The following LRP1B variants were observed in gnomAD, a reference collection of about 807,000 sequenced individuals.
The protein encoded by LRP1B is low-density lipoprotein receptor-related protein 1B.
LRP1B carries 217 observed loss-of-function variants against 556.6 expected under a neutral mutation model. The ratio of observed to expected loss-of-function variants is 0.39; its 90% CI spans 0.35 to 0.44. LRP1B has a LOEUF of 0.44. Among genes scored for constraint, LRP1B ranks in the 20% least tolerant of loss-of-function variants. The pLI, the probability that LRP1B is intolerant of heterozygous loss-of-function variation, is 1.00. For missense variants in LRP1B, 5,053 were observed against 5,620.8 expected (o/e 0.90, Z 3.23); for synonymous variants, 2,047 against 1,865.8 (o/e 1.10, Z -2.50).
intron 65 of LRP1B, among the ~76,000 whole-genome samples, chr2:140,443,841 TA>T (rs1303417410): frequency 6.6e-6 from 1 of 152,226 alleles, no homozygotes; most frequent in Non-Finnish European, 1.5e-5. Context: ...GAGCAATATT[TA>T]GAATTTTGTA....
intron 83 of LRP1B, among the ~76,000 whole-genome samples, chr2:140,306,548 A>G (rs970274754): frequency 2.5e-4 from 38 of 149,948 alleles, no homozygotes; most frequent in African/African-American, 5.4e-4. Flanking sequence ...CTCTCTTTCT[A>G]TCTTTATTAG....
chr2:140,912,570 A>G (rs1421431952), intron 21 of LRP1B, among the ~76,000 whole-genome samples: 3 of 151,756 alleles, frequency 2.0e-5, no homozygotes, highest in Non-Finnish European at 3.0e-5. Context: ...CGAAAACCAT[A>G]TTAGATAATT....
intron 60 of LRP1B, among the ~76,000 whole-genome samples, chr2:140,465,916 A>G (rs1362712248): frequency 6.6e-6 from 1 of 152,042 alleles, no homozygotes. Context: ...ATTAACTTTT[A>G]TTGTATTGTA....
intron 7 of LRP1B, among the ~76,000 whole-genome samples, chr2:141,184,524 C>T (rs183962347): frequency 1.3e-5 from 2 of 151,948 alleles, no homozygotes; most frequent in East Asian, 3.9e-4. Flanking sequence ...CTAAGTTTCC[C>T]CCAGTTGATT....
intron 2 of LRP1B, among the ~76,000 whole-genome samples, chr2:141,577,365 G>C (rs898645811): frequency 3.3e-5 from 5 of 152,172 alleles, no homozygotes; most frequent in African/African-American, 1.2e-4. Context: ...GGTGATTTCT[G>C]TATTAATTCA....
intron 3 of LRP1B, among the ~76,000 whole-genome samples, chr2:141,425,844 C>T (rs1295255117): frequency 3.3e-5 from 5 of 151,370 alleles, no homozygotes; most frequent in South Asian, 2.1e-4. Context: ...GAGTAGGTTG[C>T]AAAATTTTTC....
At chr2:142,001,844 A>G (rs1480895195) in intron 1 of LRP1B, among the ~76,000 whole-genome samples, 1 of 152,160 alleles carries the variant, frequency 6.6e-6, no homozygotes, top group East Asian at 1.9e-4. Context: ...TGATTTTATC[A>G]GCTTCTGACA....
intron 2 of LRP1B, among the ~76,000 whole-genome samples, chr2:141,807,325 G>A (rs557209733): frequency 6.6e-6 from 1 of 152,034 alleles, no homozygotes; most frequent in East Asian, 1.9e-4. Flanking sequence ...ACCATTTATA[G>A]GGAACAAGCC....
At chr2:141,811,332 C>A (rs907766110) in intron 1 of LRP1B, among the ~76,000 whole-genome samples, 14 of 150,964 alleles carry the variant, frequency 9.3e-5, no homozygotes, top group Non-Finnish European at 1.9e-4. Flanking sequence ...TTTAAAAATC[C>A]AACATTAAAT....
intron 6 of LRP1B, among the ~76,000 whole-genome samples, chr2:141,228,162 C>T (rs1044534705): frequency 1.3e-5 from 2 of 152,122 alleles, no homozygotes; most frequent in East Asian, 3.9e-4. Context: ...GATGATCCAC[C>T]CACCTTGGCC....
chr2:141,775,384 A>G (rs2105624637), intron 2 of LRP1B, among the ~76,000 whole-genome samples: 1 of 152,300 alleles, frequency 6.6e-6, no homozygotes, highest in South Asian at 2.1e-4. Context: ...ATTTTCATAT[A>G]TATGTGTGGT....
intron 27 of LRP1B, among the ~76,000 whole-genome samples, chr2:140,857,389 TAGGAA>T (rs1692651647): frequency 6.6e-6 from 1 of 152,162 alleles, no homozygotes; most frequent in Admixed American, 6.5e-5. Context: ...AATTTTCCTT[TAGGAA>T]AGGACTTATT....
intron 43 of LRP1B, among the ~76,000 whole-genome samples, chr2:140,590,446 A>G (rs913375594): frequency 6.6e-6 from 1 of 151,586 alleles, no homozygotes; most frequent in Admixed American, 6.6e-5. Flanking sequence ...TGAAGCCCTG[A>G]CTCCCAATAT....
At chr2:141,954,964 G>A (rs907159755) in intron 1 of LRP1B, among the ~76,000 whole-genome samples, 15 of 152,010 alleles carry the variant, frequency 9.9e-5, no homozygotes, top group Admixed American at 9.2e-4. Flanking sequence ...AATGATCGTC[G>A]GTGTTCCCAT....
chr2:141,679,330 A>G (rs1691020964), intron 2 of LRP1B, among the ~76,000 whole-genome samples: 1 of 152,206 alleles, frequency 6.6e-6, no homozygotes, highest in Admixed American at 6.5e-5. Context: ...CAGAAACTGT[A>G]AGATAAATGT....
chr2:140,594,929 G>T (rs62171952), intron 43 of LRP1B, among the ~76,000 whole-genome samples: 22,364 of 150,912 alleles, frequency 0.15, 2,173 homozygotes, highest in South Asian at 0.28. Context: ...TTCAATCTTC[G>T]TAACTATACT....
intron 2 of LRP1B, among the ~76,000 whole-genome samples, chr2:141,707,747 G>A (rs902899840): frequency 6.6e-6 from 1 of 152,130 alleles, no homozygotes; most frequent in African/African-American, 2.4e-5. Flanking sequence ...GTAAGAACAC[G>A]TGATTATCAT....
chr2:141,356,595 T>TTTTTTTTTTTTTTTTTTTTTTTTTTTTTG (rs1553501959), intron 3 of LRP1B, among the ~76,000 whole-genome samples: 1 of 150,962 alleles, frequency 6.6e-6, no homozygotes, highest in Non-Finnish European at 1.5e-5. Flanking sequence ...TGTATGTTTT[T>TTTTTTTTTTTTTTTTTTTTTTTTTTTTTG]AAGAAGACAT....
chr2:140,716,064 C>G lies in LRP1B; in HGVS notation c.5932G>C (p.Glu1978Gln), dbSNP rs2105461775. 6.2e-7 allele frequency: 1 copy of G among 1,606,604 alleles called. No homozygotes were observed. The highest frequency in any genetic ancestry group is 8.5e-7 in the Non-Finnish European group (1 of 1,174,102). ...YWTDHGFNLI[E>Q]VARLNGSFRY... is the part of the protein sequence containing the mutation. ...AAAGAACCATTGAGTCTTGCAACTT[C>G]AATTAAGTTGAAACCATGATCTGTC... Residue 1978 changes from glutamate to glutamine, a missense_variant, in exon 37 of 91, where the codon GAA (glutamate) becomes CAA (glutamine). Glu to Gln is a conservative substitution (Grantham distance 29). Around this residue, in one of 5 missense-constraint regions of LRP1B, gnomAD observed 3,619 missense variants for 3,931.9 expected, o/e 0.92. Transcript: ENST00000389484.
Sources: gnomAD v4.1 joint callset for allele counts (sites outside exome capture counted in the v4.1 genomes callset) on GRCh38, gnomAD v4.1.1 for gene constraint, gnomAD v4.1.1 regional missense constraint, MANE v1.5 for transcripts, NCBI Gene and HGNC (gene_info 2026-07-23, HGNC 2026-07-21) for gene names.